Variants in ERN1 observed in about 807,000 individuals in gnomAD.
The protein encoded by ERN1 is endoplasmic reticulum to nucleus signaling 1, also known as serine/threonine-protein kinase/endoribonuclease IRE1.
ERN1 carries 39 observed loss-of-function variants against 113.1 expected under a neutral mutation model. The observed-to-expected ratio is 0.34, with a 90% CI of 0.27 to 0.45. The LOEUF (loss-of-function observed/expected upper bound fraction) is 0.45, where lower values mean the gene tolerates loss of function less well. Among genes scored for constraint, ERN1 ranks in the 20% least tolerant of loss-of-function variants. The probability of loss-of-function intolerance (pLI) is 1.00; values close to 1 mark genes in which losing one functional copy is unlikely to be tolerated. For synonymous variants in ERN1, 507 were observed against 515.9 expected (o/e 0.98, Z 0.23); for missense variants, 976 against 1,274.8 (o/e 0.77, Z 3.57).
chr17:64,091,300 G>A (rs912246221), intron 2 of ERN1, among the ~76,000 whole-genome samples: 2 of 152,168 alleles, frequency 1.3e-5, no homozygotes, highest in African/African-American at 4.8e-5. Flanking sequence ...AAACTGTCAT[G>A]ACTATGATAC....
intron 6 of ERN1, among the ~76,000 whole-genome samples, chr17:64,071,355 C>G (rs552385751): frequency 6.6e-6 from 1 of 152,118 alleles, no homozygotes; most frequent in Non-Finnish European, 1.5e-5. Flanking sequence ...CACACCACTA[C>G]AAGTCTTTAA....
chr17:64,102,049 G>T (rs911549952), intron 1 of ERN1, among the ~76,000 whole-genome samples: 1 of 152,126 alleles, frequency 6.6e-6, no homozygotes, highest in African/African-American at 2.4e-5. Flanking sequence ...GGAGGCCGAG[G>T]TGGGTGGATC....
At chr17:64,129,864 C>G (rs953505650) in intron 1 of ERN1, 112 bp downstream of exon 1, 6 of 1,051,940 alleles carry the variant, frequency 5.7e-6, no homozygotes, top group Non-Finnish European at 7.4e-6. Context: ...GGGCATCTGG[C>G]CGCCGCCGTC....
intron 4 of ERN1, among the ~76,000 whole-genome samples, chr17:64,079,143 A>G (rs546238884): frequency 5.3e-5 from 8 of 152,086 alleles, no homozygotes; most frequent in Non-Finnish European, 8.8e-5. Flanking sequence ...AGATCAATTA[A>G]ATCGGGACCT....
intron 8 of ERN1, 75 bp from the exon 9 acceptor site, chr17:64,065,362 C>T: frequency 9.4e-7 from 1 of 1,066,700 alleles, no homozygotes; most frequent in Non-Finnish European, 1.4e-6. Flanking sequence ...AATCATCACC[C>T]CAAATACCAC....
intron 1 of ERN1, among the ~76,000 whole-genome samples, chr17:64,101,669 T>G (rs1235257112): frequency 1.3e-5 from 2 of 152,118 alleles, no homozygotes; most frequent in Admixed American, 6.6e-5. Context: ...GTCAACCACC[T>G]TTGATCATTA....
chr17:64,100,172 GA>G (rs945908607), intron 1 of ERN1, among the ~76,000 whole-genome samples: 1 of 152,170 alleles, frequency 6.6e-6, no homozygotes. Context: ...TGGGCCTGGA[GA>G]ACTGTGGCCC....
Position 64,058,884 on chromosome 17 carries a change from C to G in ERN1, c.1207-891G>C, listed in dbSNP as rs562580960. Among the ~76,000 whole-genome samples the G allele has an allele frequency of 9.7e-3, 1,483 of 152,184 alleles. 17 individuals carry two copies. Among genetic ancestry groups the G allele is most frequent in the African/African-American group, 0.034 (1,412 of 41,504 alleles). ...TTCATGCCTCTCCCACAGTGCCTCC[C>G]ACATTTTTGGGGGTTTGTAGCCTGC... On this transcript the variant is annotated intron_variant, in intron 11 of 21. Coordinates refer to ENST00000433197, the MANE Select transcript of ERN1 (RefSeq NM_001433.5).
At chr17:64,048,969 G>T in intron 18 of ERN1, 86 bp downstream of exon 18, 1 of 1,359,608 alleles carries the variant, frequency 7.4e-7, no homozygotes, top group Non-Finnish European at 9.8e-7. Flanking sequence ...GCCTCTGTGA[G>T]TGCAAAGGTG....
chr17:64,097,386 G>A (rs1047420345), intron 2 of ERN1, among the ~76,000 whole-genome samples: 6 of 152,218 alleles, frequency 3.9e-5, no homozygotes, highest in African/African-American at 1.4e-4. Context: ...ACAGAGTAGT[G>A]ACGAAAGAGA....
In ERN1 at chr17:64,054,638, G is replaced by T; in HGVS notation, c.1763+100C>A. On this transcript the variant is annotated intron_variant, in intron 14 of 21. Coordinates refer to ENST00000433197, the MANE Select transcript of ERN1 (RefSeq NM_001433.5). The surrounding 1 kb of genome is among the most constrained non-coding windows in gnomAD (Gnocchi z 4.9). ...CCGGACTCCATGCGTCTAGGTCACT[G>T]CTTTGACCCTGCTGTGCTCTGAGCC... The T allele has an allele frequency of 9.3e-7, 1 of 1,069,832 alleles. No homozygotes were observed. Among genetic ancestry groups the T allele is most frequent in the Non-Finnish European group, 1.4e-6 (1 of 734,738 alleles). The allele number at this position is 1,069,832 out of a possible 1,614,324, so 66.3% of individuals were successfully genotyped here. A position where few individuals can be genotyped will look rare whatever the true frequency, so the allele number is the denominator to read the frequency against.
intron 1 of ERN1, among the ~76,000 whole-genome samples, chr17:64,118,213 C>T (rs1225236744): frequency 2.6e-5 from 4 of 152,114 alleles, no homozygotes; most frequent in African/African-American, 9.7e-5. Context: ...CTTTGTTTTA[C>T]AGATGAGGAA....
At chr17:64,093,716 C>T (rs1270035810) in intron 2 of ERN1, among the ~76,000 whole-genome samples, 2 of 152,188 alleles carry the variant, frequency 1.3e-5, no homozygotes, top group Non-Finnish European at 2.9e-5. Context: ...TCTCAAAGTA[C>T]CATCACACTG....
At chr17:64,107,951 G>A (rs1486457877) in intron 1 of ERN1, among the ~76,000 whole-genome samples, 1 of 152,200 alleles carries the variant, frequency 6.6e-6, no homozygotes, top group Non-Finnish European at 1.5e-5. Context: ...TCTATCGGCT[G>A]TTATGTTTCC....
chr17:64,123,369 C>T lies in ERN1; in HGVS notation c.54+6607G>A, dbSNP rs75455806. On this transcript the variant is annotated intron_variant, in intron 1 of 21. Transcript: ENST00000433197. ...CCCACAAATGAGTCATTTAACAAATCCAAATAAAACATTTTCTCAATAGCT... is the reference window on the plus strand; with the variant it reads ...CCCACAAATGAGTCATTTAACAAATTCAAATAAAACATTTTCTCAATAGCT... Among the ~76,000 whole-genome samples, 925 of 152,242 alleles carry T rather than the reference C, an allele frequency of 6.1e-3. 8 individuals carry two copies. The highest frequency in any genetic ancestry group is 0.021 in the African/African-American group (888 of 41,528).
intron 18 of ERN1, 63 bp downstream of exon 18, chr17:64,048,992 C>A (rs1393703989): frequency 6.8e-7 from 1 of 1,462,750 alleles, no homozygotes; most frequent in African/African-American, 1.4e-5. Context: ...ACCAGCCCAG[C>A]TCTGCAGGGC....
At chr17:64,083,979 G>A (rs1234754782) in intron 2 of ERN1, among the ~76,000 whole-genome samples, 1 of 152,114 alleles carries the variant, frequency 6.6e-6, no homozygotes, top group African/African-American at 2.4e-5. Flanking sequence ...TCCACACAGG[G>A]AGGAACATTG....
At chr17:64,109,730 G>A (rs1372493665) in intron 1 of ERN1, among the ~76,000 whole-genome samples, 1 of 152,218 alleles carries the variant, frequency 6.6e-6, no homozygotes, top group African/African-American at 2.4e-5. Context: ...GAGAGGTGAA[G>A]TGACTTGCCC....
At chr17:64,084,501 C>A (rs1266099209) in intron 2 of ERN1, among the ~76,000 whole-genome samples, 1 of 149,420 alleles carries the variant, frequency 6.7e-6, no homozygotes, top group African/African-American at 2.5e-5. Context: ...TACTTAAGCT[C>A]GTGGAGCCTC....
Sources: allele counts gnomAD v4.1 joint callset (sites outside exome capture counted in the v4.1 genomes callset), GRCh38; gene constraint gnomAD v4.1.1; non-coding constraint Gnocchi (gnomAD v3.1); transcripts MANE v1.5; gene names NCBI Gene and HGNC (gene_info 2026-07-23, HGNC 2026-07-21).